The following HDLBP variants were observed in gnomAD, a reference collection of about 807,000 sequenced individuals.
The protein encoded by HDLBP is vigilin.
A neutral mutation model predicts 137.3 loss-of-function variants in HDLBP; 30 were observed. The ratio of observed to expected loss-of-function variants is 0.22; its 90% CI spans 0.16 to 0.30. The LOEUF (loss-of-function observed/expected upper bound fraction) is 0.30. HDLBP is among the 10% of genes least tolerant of loss of function. HDLBP has a pLI of 1.00. For synonymous variants in HDLBP, 606 were observed against 596.0 expected (o/e 1.02, Z -0.24); for missense variants, 1,119 against 1,667.3 (o/e 0.67, Z 5.73).
Position 241,234,892 on chromosome 2 carries a change from G to A in HDLBP, c.3144+229C>T, listed in dbSNP as rs142356532. Among the ~76,000 whole-genome samples, 134 of 152,296 alleles carry A rather than the reference G, an allele frequency of 8.8e-4. 1 individual carries two copies. The highest frequency in any genetic ancestry group is 3.0e-3 in the African/African-American group (124 of 41,562). ...TTTGAGAGAAACTGCAAATTTACAC[G>A]GAAGTCCAACTTTGTCACTTTTTTA... On this transcript the variant is annotated intron_variant, in intron 23 of 27. Coordinates refer to ENST00000310931, the MANE Select transcript of HDLBP (RefSeq NM_005336.6).
chr2:241,248,188 G>C, intron 13 of HDLBP, 56 bp downstream of exon 13: 1 of 1,551,740 alleles, frequency 6.4e-7, no homozygotes, highest in Non-Finnish European at 8.9e-7. Flanking sequence ...AAATATTCCT[G>C]AAGTGTGACT....
intron 17 of HDLBP, among the ~76,000 whole-genome samples, chr2:241,241,319 G>C (rs540863527): frequency 2.0e-5 from 3 of 152,126 alleles, no homozygotes; most frequent in African/African-American, 7.2e-5. Context: ...TGTAATCCCA[G>C]CACTTTGGGA....
At position 241,281,720 on chromosome 2, in the gene HDLBP, C is replaced by T. The variant is rs76404968; in HGVS notation, c.-102-13179G>A. On this transcript the variant is annotated intron_variant, in intron 1 of 27. Transcript: ENST00000310931. ...TACATCAGATTTTGAAGATTTAGTACAAGAAATACTATCTAAAACATTTTA... is the reference window on the plus strand; with the variant it reads ...TACATCAGATTTTGAAGATTTAGTATAAGAAATACTATCTAAAACATTTTA... Among the ~76,000 whole-genome samples the T allele has an allele frequency of 1.7e-3, 266 of 152,180 alleles. 2 individuals are homozygous for T. In the East Asian group the frequency reaches 0.033, roughly 19 times the overall value.
At position 241,229,863 on chromosome 2, in the gene HDLBP, G is replaced by A. The variant is rs778759819; in HGVS notation, c.3690C>T (p.Asp1230=). Reference sequence around the variant, plus strand: ...CACTGCTGCTGGCGGTCCAGGGTGCGTCCCGCACCACAAAGCCTCTGGAAG... The same window carrying A: ...CACTGCTGCTGGCGGTCCAGGGTGCATCCCGCACCACAAAGCCTCTGGAAG... ...KAPSRGFVVR[D]APWTASSSEK... Residue 1230 remains aspartate (D), a synonymous_variant, in exon 27 of 28, where the codon GAC becomes GAT. Coordinates refer to ENST00000310931, the MANE Select transcript of HDLBP (RefSeq NM_005336.6). The A allele has an allele frequency of 2.5e-5, 39 of 1,584,208 alleles. No individual in the cohort carries two copies. Among genetic ancestry groups the A allele is most frequent in the Admixed American group, 1.8e-4 (10 of 55,884 alleles).
intron 1 of HDLBP, among the ~76,000 whole-genome samples, chr2:241,290,492 C>T (rs2074977241): frequency 2.0e-5 from 3 of 152,162 alleles, no homozygotes; most frequent in Admixed American, 2.0e-4. Context: ...TGCCTGTAAT[C>T]CCAGCTACTC....
intron 1 of HDLBP, among the ~76,000 whole-genome samples, chr2:241,306,418 C>T (rs1354945962): frequency 2.0e-5 from 3 of 152,036 alleles, no homozygotes; most frequent in Non-Finnish European, 2.9e-5. Context: ...AGCCACCACG[C>T]CCGGCTAGTT....
chr2:241,260,064 CAT>C (rs1428753952), intron 5 of HDLBP, among the ~76,000 whole-genome samples: 1 of 152,134 alleles, frequency 6.6e-6, no homozygotes, highest in Non-Finnish European at 1.5e-5. Flanking sequence ...AGTGCAATGG[CAT>C]GATCTTGGCT....
chr2:241,242,520 C>T lies in HDLBP; in HGVS notation c.2109G>A (p.Arg703=), dbSNP rs1191716842. 6.2e-6 allele frequency: 10 copies of T among 1,614,162 alleles called. No individual in the cohort carries two copies. The highest frequency in any genetic ancestry group is 8.5e-6 in the Non-Finnish European group (10 of 1,180,034). The stretch of plus-strand genomic sequence containing the variant: ...CCTTCTCCACATCCGAGGAAGGGCC[C>T]CTGATAACAACGGTGTCGCTTCCTG... The part of the protein sequence containing the change: ...EGSGSDTVVI[R]GPSSDVEKAK... The change falls in exon 17 of 28, where the codon AGG becomes AGA. Residue 703 remains arginine (R), a synonymous_variant. Transcript: ENST00000310931.
chr2:241,236,796 C>G (rs1445209217), intron 20 of HDLBP, 27 bp from the exon 21 acceptor site: 5 of 1,609,932 alleles, frequency 3.1e-6, no homozygotes, highest in South Asian at 2.2e-5. Flanking sequence ...AAAGGGACAG[C>G]TGACAGCTGC....
chr2:241,286,164 G>C (rs1393051004), intron 1 of HDLBP, among the ~76,000 whole-genome samples: 3 of 151,984 alleles, frequency 2.0e-5, no homozygotes, highest in Non-Finnish European at 2.9e-5. Context: ...CATAAGAAGA[G>C]AGTATGTGGC....
At position 241,236,628 on chromosome 2, in the gene HDLBP, T is replaced by A; in HGVS notation, c.2891A>T (p.Lys964Met). The change falls in exon 21 of 28, where the codon AAG (lysine) becomes ATG (methionine). Residue 964 changes from lysine (K) to methionine (M), a missense_variant. Coordinates refer to ENST00000310931, the MANE Select transcript of HDLBP (RefSeq NM_005336.6). ...SGRKEKCEAA[K>M]EALEALVPVT... ...ATGGACACATACCTCCAGAGCTTCC[T>A]TGGCAGCCTCACACTTTTCTTTCCG... is the stretch of plus-strand genomic sequence containing the variant. The A allele has an allele frequency of 6.2e-7, 1 of 1,614,090 alleles. No homozygotes were observed. The highest frequency in any genetic ancestry group is 8.5e-7 in the Non-Finnish European group (1 of 1,179,978).
In HDLBP at chr2:241,287,137, G is replaced by A. The variant is rs1016196530; in HGVS notation, c.-102-18596C>T. On this transcript the variant is annotated intron_variant, in intron 1 of 27. Transcript: ENST00000310931. ...TTTGTTGTTGTTGTTTTGAGACAGA[G>A]TCTCACTCTACTGCCCAGGCTGGAG... Among the ~76,000 whole-genome samples the A allele has an allele frequency of 5.9e-5, 9 of 152,152 alleles. No homozygotes were observed. The South Asian group carries it at 1.7e-3, about 28-fold the overall frequency.
rs1411117531 is a variant in HDLBP at position 241,227,839 on chromosome 2, C to T, written c.*1762G>A. 1 of 152,062 alleles carries T rather than the reference C, an allele frequency of 6.6e-6. No individual in the cohort carries two copies. Among genetic ancestry groups the T allele is most frequent in the African/African-American group, 2.4e-5 (1 of 41,220 alleles). 9.4% of individuals were successfully genotyped at this position (152,062 alleles called of 1,614,324 possible). A position where few individuals can be genotyped will look rare whatever the true frequency, so the allele number is the denominator to read the frequency against. ...ACAGCCCTTCCCCACTGGCCTCCCC[C>T]GTGGAGGTGGAGTAGACAGATCCCG... On this transcript the variant is annotated 3_prime_UTR_variant, in exon 28 of 28. Transcript: ENST00000310931.
At position 241,229,935 on chromosome 2, in the gene HDLBP, C is replaced by T. The variant is rs774717624; in HGVS notation, c.3618G>A (p.Ala1206=). 203 of 1,603,790 alleles carry T rather than the reference C, an allele frequency of 1.3e-4. No individual in the cohort carries two copies. Among genetic ancestry groups the T allele is most frequent in the Non-Finnish European group, 1.5e-4 (181 of 1,174,754 alleles). Residue 1206 remains alanine, a synonymous_variant, in exon 27 of 28, where the codon GCG becomes GCA. Coordinates refer to ENST00000310931, the MANE Select transcript of HDLBP (RefSeq NM_005336.6). Reference sequence around the variant, plus strand: ...CTGGGGGTTTCATGTATACCTGCAGCGCCTCACTGTCCACCACGTCAGCTA... The same window carrying T: ...CTGGGGGTTTCATGTATACCTGCAGTGCCTCACTGTCCACCACGTCAGCTA... The part of the protein sequence containing the change: ...EYLADVVDSE[A]LQVYMKPPAH...
chr2:241,249,910 G>A lies in HDLBP; in HGVS notation c.1443C>T (p.Ile481=). 1 of 1,614,060 alleles carries A rather than the reference G, an allele frequency of 6.2e-7. No homozygotes were observed. Residue 481 remains isoleucine (I), a synonymous_variant, in exon 12 of 28, where the codon ATC becomes ATT. Transcript: ENST00000310931. ...CGCCCTGTGGGTCCCCCTCGATGCG[G>A]ATCAAATTGCTCTTCTCACTGTCAG... ...IPPDSEKSNL[I]RIEGDPQGVQ...
At position 241,230,019 on chromosome 2, in the gene HDLBP, C is replaced by T; in HGVS notation, c.3592-58G>A. On this transcript the variant is annotated intron_variant, in intron 26 of 27. Transcript: ENST00000310931. This position sits in a 1 kb window ranked among gnomAD's most constrained non-coding sequence, Gnocchi z 5.0. ...CTGCCCAGCACCCCCAGCATCCCGC[C>T]CGCCTGCTCACCCCTGCACCTCGCC... 1.3e-6 allele frequency: 2 copies of T among 1,574,548 alleles called. No homozygotes were observed. Among genetic ancestry groups the T allele is most frequent in the Middle Eastern group, 2.0e-4 (1 of 4,976 alleles).
In HDLBP at chr2:241,230,833, G is replaced by A. The variant is rs1292100037; in HGVS notation, c.3400C>T (p.Leu1134=). The change falls in exon 25 of 28, where the codon CTG becomes TTG. Residue 1134 remains leucine (L), a synonymous_variant. Coordinates refer to ENST00000310931, the MANE Select transcript of HDLBP (RefSeq NM_005336.6). The surrounding 1 kb of genome is among the most constrained non-coding windows in gnomAD (Gnocchi z 5.0). ...LEQMVSEDVP[L]DHRVHARIIG... is the part of the protein sequence containing the mutation. ...ATGCGGGCGTGAACGCGGTGGTCCAGCGGGACGTCCTCAGAAACCATCTGC... is the reference window on the plus strand; with the variant it reads ...ATGCGGGCGTGAACGCGGTGGTCCAACGGGACGTCCTCAGAAACCATCTGC... 1 of 1,614,080 alleles carries A rather than the reference G, an allele frequency of 6.2e-7. No homozygotes were observed. Among genetic ancestry groups the A allele is most frequent in the Non-Finnish European group, 8.5e-7 (1 of 1,180,028 alleles).
At position 241,236,695 on chromosome 2, in the gene HDLBP, G is replaced by C. The variant is rs995731049; in HGVS notation, c.2824C>G (p.Pro942Ala). ...GEGREAKDCD[P>A]GSPRRCDIII... is the part of the protein sequence containing the mutation. Reference sequence around the variant, plus strand: ...ATGTCACACCTCCTTGGAGAGCCGGGGTCACAATCTTTAGCCTCTCTCCCC... The same window carrying C: ...ATGTCACACCTCCTTGGAGAGCCGGCGTCACAATCTTTAGCCTCTCTCCCC... Residue 942 changes from proline (P) to alanine (A), a missense_variant, in exon 21 of 28, where the codon CCC becomes GCC. Around this residue, in one of 4 missense-constraint regions of HDLBP, gnomAD observed 618 missense variants for 816.7 expected, o/e 0.76. Coordinates refer to ENST00000310931, the MANE Select transcript of HDLBP (RefSeq NM_005336.6). 2 of 1,614,022 alleles carry C rather than the reference G, an allele frequency of 1.2e-6. No homozygotes were observed. The highest frequency in any genetic ancestry group is 8.5e-7 in the Non-Finnish European group (1 of 1,179,948).
intron 1 of HDLBP, among the ~76,000 whole-genome samples, chr2:241,281,604 G>A (rs1314951675): frequency 1.3e-5 from 2 of 152,172 alleles, no homozygotes; most frequent in Non-Finnish European, 2.9e-5. Flanking sequence ...CTACTCTTTT[G>A]AGCTGTGCTG....
Sources: allele counts gnomAD v4.1 joint callset (sites outside exome capture counted in the v4.1 genomes callset), GRCh38; gene constraint gnomAD v4.1.1; regional missense constraint gnomAD v4.1.1; non-coding constraint Gnocchi (gnomAD v3.1); transcripts MANE v1.5; gene names NCBI Gene and HGNC (gene_info 2026-07-23, HGNC 2026-07-21).